Variants in CCDC71 observed in about 807,000 individuals in gnomAD.
The protein encoded by CCDC71 is coiled-coil domain containing 71.
For missense variants in CCDC71, 594 were observed against 604.0 expected (o/e 0.98, Z 0.17); for synonymous variants, 257 against 242.2 (o/e 1.06, Z -0.57).
rs989833121 is a variant in CCDC71 at position 49,163,357 on chromosome 3, C to T, written c.852G>A (p.Lys284=). The T allele has an allele frequency of 6.2e-7, 1 of 1,614,044 alleles. No homozygotes were observed. The highest frequency in any genetic ancestry group is 8.5e-7 in the Non-Finnish European group (1 of 1,180,048). The change falls in exon 2 of 2, where the codon AAG becomes AAA. Residue 284 remains lysine (K), a synonymous_variant. Transcript: ENST00000321895. ...CAGCTTTGGCCAGTGTTCGAGCTACCTTGGCCTGGGCTGTTTTGGTGCCCA... is the reference window on the plus strand; with the variant it reads ...CAGCTTTGGCCAGTGTTCGAGCTACTTTGGCCTGGGCTGTTTTGGTGCCCA... ...SALGTKTAQA[K]VARTLAKAAR...
rs1190961442 is a variant in CCDC71 at position 49,162,971 on chromosome 3, T to C, written c.1238A>G (p.Lys413Arg). 6.2e-7 allele frequency: 1 copy of C among 1,614,152 alleles called. No homozygotes were observed. Among genetic ancestry groups the C allele is most frequent in the Non-Finnish European group, 8.5e-7 (1 of 1,180,048 alleles). Residue 413 changes from lysine (K) to arginine (R), a missense_variant, in exon 2 of 2, where the codon AAG becomes AGG. By Grantham distance (26) the Lys-to-Arg change is conservative. Transcript: ENST00000321895. ...KRTRLGPRSP[K>R]AWLGPGTAKL... ...TGCTGTTCCAGGCCCTAGCCATGCC[T>C]TAGGAGATCGGGGCCCAAGCCGTGT...
chr3:49,165,332 C>T (rs1267530804), intron 1 of CCDC71, among the ~76,000 whole-genome samples: 5 of 152,246 alleles, frequency 3.3e-5, no homozygotes, highest in Admixed American at 6.5e-5. Flanking sequence ...ATGGAGGTGA[C>T]TGAGAACACC....
rs765256172 is a variant in CCDC71, at chr3:49,163,629, C to T, written c.580G>A (p.Ala194Thr). 6.2e-7 allele frequency: 1 copy of T among 1,614,188 alleles called. No homozygotes were observed. Among genetic ancestry groups the T allele is most frequent in the South Asian group, 1.1e-5 (1 of 91,086 alleles). The stretch of plus-strand genomic sequence containing the variant: ...TGCAGTGACTGTGCCTTGTGCTTGG[C>T]ACCCAAGCAGGGCATGGGAGTCTTA... ...PLKTPMPCLG[A>T]KHKAQSLQLS... Residue 194 changes from alanine to threonine, a missense_variant, in exon 2 of 2, where the codon GCC (alanine) becomes ACC (threonine). Physicochemically the swap from Ala to Thr is moderately conservative, Grantham distance 58 (BLOSUM62 0). Transcript: ENST00000321895.
At position 49,163,406 on chromosome 3, in the gene CCDC71, C is replaced by A; in HGVS notation, c.803G>T (p.Arg268Leu). The A allele has an allele frequency of 5.0e-6, 8 of 1,614,114 alleles. No homozygotes were observed. The highest frequency in any genetic ancestry group is 6.8e-6 in the Non-Finnish European group (8 of 1,180,034). ...CAGGGCAGAGCCCCCTTTCATTCGC[C>A]GGACACTGGGGGACCCAGTGGCTCT... ...TNRATGSPSVRRMKGGSALGT... is the reference protein window; with the variant it reads ...TNRATGSPSVLRMKGGSALGT... The change falls in exon 2 of 2, where the codon CGG becomes CTG. Residue 268 changes from arginine to leucine, a missense_variant. Arg to Leu is a moderately radical substitution (Grantham distance 102). Coordinates refer to ENST00000321895, the MANE Select transcript of CCDC71 (RefSeq NM_022903.4).
In CCDC71 at chr3:49,162,861, C is replaced by T. The variant is rs759182506; in HGVS notation, c.1348G>A (p.Val450Met). Reference protein sequence around the residue: ...VRQRAQRILRVNLSPVIRLQP... With the variant: ...VRQRAQRILRMNLSPVIRLQP... Reference sequence around the variant, plus strand: ...AGCCGTATTACAGGTGACAGGTTCACGCGGAGGATCCGCTGAGCCCGCTGC... The same window carrying T: ...AGCCGTATTACAGGTGACAGGTTCATGCGGAGGATCCGCTGAGCCCGCTGC... Residue 450 changes from valine to methionine, a missense_variant, in exon 2 of 2, where the codon GTG becomes ATG. Transcript: ENST00000321895. 123 of 1,613,928 alleles carry T rather than the reference C, an allele frequency of 7.6e-5. No homozygotes were observed. The highest frequency in any genetic ancestry group is 9.7e-5 in the Non-Finnish European group (115 of 1,180,010).
In CCDC71 at chr3:49,163,535, G is replaced by C; in HGVS notation, c.674C>G (p.Pro225Arg). ...SSGKGPGNPRPKAPRKTTSKG... is the reference protein window; with the variant it reads ...SSGKGPGNPRRKAPRKTTSKG... ...GCTTGTGGTTTTTCTGGGAGCTTTG[G>C]GCCGAGGGTTCCCCGGACCCTTCCC... The change falls in exon 2 of 2, where the codon CCC becomes CGC. Residue 225 changes from proline (P) to arginine (R), a missense_variant. By Grantham distance (103) the Pro-to-Arg change is moderately radical. Coordinates refer to ENST00000321895, the MANE Select transcript of CCDC71 (RefSeq NM_022903.4). The C allele has an allele frequency of 6.2e-7, 1 of 1,614,238 alleles. No homozygotes were observed. Among genetic ancestry groups the C allele is most frequent in the Non-Finnish European group, 8.5e-7 (1 of 1,180,034 alleles).
chr3:49,164,159 G>C lies in CCDC71; in HGVS notation c.50C>G (p.Ser17Trp). The change falls in exon 2 of 2, where the codon TCG becomes TGG. Residue 17 changes from serine to tryptophan, a missense_variant. Transcript: ENST00000321895. Reference protein sequence around the residue: ...HVEEKAVHSWSRISTAGKKAL... With the variant: ...HVEEKAVHSWWRISTAGKKAL... ...CTTCTTCCCTGCCGTGGAGATGCGC[G>C]ACCAGGAGTGCACAGCTTTTTCCTC... is the stretch of plus-strand genomic sequence containing the variant. The C allele has an allele frequency of 6.2e-7, 1 of 1,613,310 alleles. No individual in the cohort carries two copies. The highest frequency in any genetic ancestry group is 8.5e-7 in the Non-Finnish European group (1 of 1,179,914).
In CCDC71 at chr3:49,162,980, C is replaced by T. The variant is rs533873038; in HGVS notation, c.1229G>A (p.Arg410Gln). The T allele has an allele frequency of 4.8e-5, 77 of 1,614,268 alleles. No individual in the cohort carries two copies. The highest frequency in any genetic ancestry group is 8.0e-5 in the African/African-American group (6 of 75,080). The change falls in exon 2 of 2, where the codon CGA becomes CAA. Residue 410 changes from arginine to glutamine, a missense_variant. Coordinates refer to ENST00000321895, the MANE Select transcript of CCDC71 (RefSeq NM_022903.4). ...PPKKRTRLGPRSPKAWLGPGT... is the reference protein window; with the variant it reads ...PPKKRTRLGPQSPKAWLGPGT... ...AGGCCCTAGCCATGCCTTAGGAGAT[C>T]GGGGCCCAAGCCGTGTTCTCTTCTT...
chr3:49,164,351 T>A, intron 1 of CCDC71, 91 bp from the exon 2 acceptor site: 1 of 747,130 alleles, frequency 1.3e-6, no homozygotes, highest in Admixed American at 2.7e-5. Flanking sequence ...CCAATCTCCA[T>A]GACACTGAGG....
In CCDC71 at chr3:49,163,300, C is replaced by T. The variant is rs1235084388; in HGVS notation, c.909G>A (p.Gln303=). 6.2e-7 allele frequency: 1 copy of T among 1,613,748 alleles called. No individual in the cohort carries two copies. Among genetic ancestry groups the T allele is most frequent in the Non-Finnish European group, 8.5e-7 (1 of 1,179,926 alleles). The change falls in exon 2 of 2, where the codon CAG becomes CAA. Residue 303 remains glutamine, a synonymous_variant. Transcript: ENST00000321895. The stretch of plus-strand genomic sequence containing the variant: ...TGGCCCGGGCCTTAGCAGCCTTGGC[C>T]TGTGTTCGAGCCACCTTGGCTTGGG... ...ARAQAKVART[Q]AKAAKARAKA...
Position 49,164,186 on chromosome 3 carries a change from A to G in CCDC71, c.23T>C (p.Val8Ala). The change falls in exon 2 of 2, where the codon GTG becomes GCG. Residue 8 changes from valine to alanine, a missense_variant. Coordinates refer to ENST00000321895, the MANE Select transcript of CCDC71 (RefSeq NM_022903.4). MSVVVQH[V>A]EEKAVHSWSR... is the part of the protein sequence containing the mutation. ...CCAGGAGTGCACAGCTTTTTCCTCC[A>G]CATGCTGAACCACCACACTCATGGC... 1 of 1,609,844 alleles carries G rather than the reference A, an allele frequency of 6.2e-7. No individual in the cohort carries two copies. The highest frequency in any genetic ancestry group is 1.7e-5 in the Admixed American group (1 of 59,966).
In CCDC71 at chr3:49,163,588, G is replaced by A; in HGVS notation, c.621C>T (p.Asp207=). The A allele has an allele frequency of 6.2e-7, 1 of 1,614,228 alleles. No individual in the cohort carries two copies. The highest frequency in any genetic ancestry group is 1.1e-5 in the South Asian group (1 of 91,082). ...KAQSLQLSLA[D]SPLKLRKSSG... The stretch of plus-strand genomic sequence containing the variant: ...AACTTTTCCGCAGTTTCAGAGGAGA[G>A]TCTGCAAGTGAGAGCTGCAGTGACT... Residue 207 remains aspartate (D), a synonymous_variant, in exon 2 of 2, where the codon GAC becomes GAT. Transcript: ENST00000321895.
Position 49,164,731 on chromosome 3 carries a change from A to C in CCDC71, c.-52-471T>G, listed in dbSNP as rs376495431. ...CAGGAAAGGATTCCTGGGAGAGACA[A>C]CACCTAGCTAGGATATGAGTGATGA... On this transcript the variant is annotated intron_variant, in intron 1 of 1. Transcript: ENST00000321895. 5.0e-4 allele frequency among the ~76,000 whole-genome samples: 76 copies of C among 152,304 alleles called. 3 individuals carry two copies. Among genetic ancestry groups the C allele is most frequent in the Middle Eastern group, 6.8e-3 (2 of 294 alleles).
At position 49,163,329 on chromosome 3, in the gene CCDC71, G is replaced by A. The variant is rs773425388; in HGVS notation, c.880C>T (p.Arg294Cys). The A allele has an allele frequency of 2.2e-5, 35 of 1,613,820 alleles. No individual in the cohort carries two copies. The highest frequency in any genetic ancestry group is 1.6e-4 in the Middle Eastern group (1 of 6,062). Residue 294 changes from arginine to cysteine, a missense_variant, in exon 2 of 2, where the codon CGT becomes TGT. By Grantham distance (180) the Arg-to-Cys change is radical (BLOSUM62 -3). Transcript: ENST00000321895. ...KVARTLAKAA[R>C]AQAKVARTQA... ...GTTCGAGCCACCTTGGCTTGGGCAC[G>A]AGCAGCTTTGGCCAGTGTTCGAGCT...
At position 49,163,943 on chromosome 3, in the gene CCDC71, C is replaced by G; in HGVS notation, c.266G>C (p.Arg89Pro). 1 of 1,614,126 alleles carries G rather than the reference C, an allele frequency of 6.2e-7. No individual in the cohort carries two copies. The highest frequency in any genetic ancestry group is 8.5e-7 in the Non-Finnish European group (1 of 1,180,022). Residue 89 changes from arginine (R) to proline (P), a missense_variant, in exon 2 of 2, where the codon CGT (arginine) becomes CCT (proline). Transcript: ENST00000321895. ...NPPSQTKLQA[R>P]APNPTATSPP... ...TGATGTGGCAGTTGGGTTAGGGGCA[C>G]GAGCTTGCAGTTTCGTCTGGCTTGG...
rs1032603766 is a variant in CCDC71 at position 49,163,321 on chromosome 3, T to C, written c.888A>G (p.Gln296=). 2 of 1,613,932 alleles carry C rather than the reference T, an allele frequency of 1.2e-6. No homozygotes were observed. Among genetic ancestry groups the C allele is most frequent in the South Asian group, 2.2e-5 (2 of 91,086 alleles). The change falls in exon 2 of 2, where the codon CAA becomes CAG. Residue 296 remains glutamine, a synonymous_variant. Transcript: ENST00000321895. ...ARTLAKAARA[Q]AKVARTQAKA... ...TGGCCTGTGTTCGAGCCACCTTGGC[T>C]TGGGCACGAGCAGCTTTGGCCAGTG...
intron 1 of CCDC71, among the ~76,000 whole-genome samples, chr3:49,165,738 G>A (rs1409203872): frequency 3.3e-5 from 5 of 152,268 alleles, no homozygotes; most frequent in Non-Finnish European, 5.9e-5. Context: ...AACTGTAGAA[G>A]AGAGAGGGAC....
chr3:49,162,621 T>TACC lies in CCDC71; in HGVS notation c.*183_*184insGGT. ...GTGCATCGCGCCATGAAAACACCCC[T>TACC]CCCGCCCACCCACCCCACCGTACCC... is the stretch of plus-strand genomic sequence containing the variant. On this transcript the variant is annotated 3_prime_UTR_variant, in exon 2 of 2. Coordinates refer to ENST00000321895, the MANE Select transcript of CCDC71 (RefSeq NM_022903.4). 2.8e-4 allele frequency: 8 copies of TACC among 28,832 alleles called. 3 individuals are homozygous for TACC. The highest frequency in any genetic ancestry group is 3.8e-4 in the Non-Finnish European group (6 of 15,768). 1.8% of individuals were successfully genotyped at this position (28,832 alleles called of 1,614,324 possible).
Position 49,162,995 on chromosome 3 carries a change from G to A in CCDC71, c.1214C>T (p.Thr405Ile). Residue 405 changes from threonine (T) to isoleucine (I), a missense_variant, in exon 2 of 2, where the codon ACA becomes ATA. Coordinates refer to ENST00000321895, the MANE Select transcript of CCDC71 (RefSeq NM_022903.4). ...CTTAGGAGATCGGGGCCCAAGCCGTGTTCTCTTCTTGGGAGGAAGATCTTT... is the reference window on the plus strand; with the variant it reads ...CTTAGGAGATCGGGGCCCAAGCCGTATTCTCTTCTTGGGAGGAAGATCTTT... ...EAKDLPPKKRTRLGPRSPKAW... is the reference protein window; with the variant it reads ...EAKDLPPKKRIRLGPRSPKAW... 1.2e-6 allele frequency: 2 copies of A among 1,614,254 alleles called. No individual in the cohort carries two copies. The highest frequency in any genetic ancestry group is 1.7e-5 in the Admixed American group (1 of 60,036).
Sources: allele counts gnomAD v4.1 joint callset (sites outside exome capture counted in the v4.1 genomes callset), GRCh38; gene constraint gnomAD v4.1.1; transcripts MANE v1.5; gene names NCBI Gene and HGNC (gene_info 2026-07-23, HGNC 2026-07-21).